Variants in NCEH1 observed in about 807,000 individuals in gnomAD.
NCEH1 encodes 2-acetyl MAGE hydrolase.
In NCEH1, 9 loss-of-function variants were observed where a neutral mutation model predicts 25.4. The observed-to-expected ratio is 0.35, with a 90% CI of 0.21 to 0.62. The LOEUF (loss-of-function observed/expected upper bound fraction) is 0.62. Among genes scored for constraint, NCEH1 ranks in the 20% least tolerant of loss-of-function variants. NCEH1 has a pLI of 0.72. For missense variants in NCEH1, 412 were observed against 501.1 expected, an observed-to-expected ratio of 0.82 and a Z score of 1.70; for synonymous variants, 200 against 199.8, an observed-to-expected ratio of 1.00 and a Z score of -0.01.
chr3:172,683,605 G>A (rs1022315620), intron 1 of NCEH1, among the ~76,000 whole-genome samples: 16 of 138,818 alleles, frequency 1.2e-4, no homozygotes, highest in African/African-American at 5.5e-4. Flanking sequence ...CTTGAGACTG[G>A]AGGTTGAAGT....
chr3:172,641,630 A>G (rs1348740381), intron 3 of NCEH1, among the ~76,000 whole-genome samples: 1 of 152,248 alleles, frequency 6.6e-6, no homozygotes, highest in East Asian at 1.9e-4. Context: ...GCGGAGCTCC[A>G]GAAGAACCAA....
At chr3:172,670,035 G>A (rs1165560928) in intron 1 of NCEH1, among the ~76,000 whole-genome samples, 4 of 152,312 alleles carry the variant, frequency 2.6e-5, no homozygotes, top group African/African-American at 9.6e-5. Flanking sequence ...ATTATAATTT[G>A]AAATTTTGTT....
chr3:172,656,189 C>T (rs766977951), intron 1 of NCEH1, among the ~76,000 whole-genome samples: 3 of 152,082 alleles, frequency 2.0e-5, no homozygotes, highest in East Asian at 1.9e-4. Context: ...AGGCAGATTA[C>T]GTTCACTGTT....
chr3:172,658,709 C>T (rs926601574), intron 1 of NCEH1, among the ~76,000 whole-genome samples: 2 of 152,134 alleles, frequency 1.3e-5, no homozygotes, highest in Non-Finnish European at 2.9e-5. Context: ...AAAGAGCTCA[C>T]AGACGGATTT....
chr3:172,662,597 G>T (rs145125950), intron 1 of NCEH1, among the ~76,000 whole-genome samples: 165 of 152,264 alleles, frequency 1.1e-3, no homozygotes, highest in Non-Finnish European at 1.6e-3. Flanking sequence ...TCTGGCCCTG[G>T]AATTTTTTTG....
At chr3:172,706,645 C>T (rs1411386722) in intron 1 of NCEH1, among the ~76,000 whole-genome samples, 2 of 151,820 alleles carry the variant, frequency 1.3e-5, no homozygotes, top group Non-Finnish European at 1.5e-5. Context: ...ATTACAGGCG[C>T]GCACCACTGC....
intron 1 of NCEH1, among the ~76,000 whole-genome samples, chr3:172,672,535 T>C (rs1051511587): frequency 6.6e-6 from 1 of 152,174 alleles, no homozygotes; most frequent in African/African-American, 2.4e-5. Context: ...ATCCCCTGAT[T>C]CAGTGGAGAG....
At chr3:172,703,915 T>C (rs1197822557) in intron 1 of NCEH1, among the ~76,000 whole-genome samples, 1 of 152,218 alleles carries the variant, frequency 6.6e-6, no homozygotes, top group African/African-American at 2.4e-5. Flanking sequence ...TAAAACCTTT[T>C]GCCTCCATAT....
At chr3:172,693,187 G>A (rs1713161229) in intron 1 of NCEH1, among the ~76,000 whole-genome samples, 1 of 152,232 alleles carries the variant, frequency 6.6e-6, no homozygotes, top group African/African-American at 2.4e-5. Flanking sequence ...ATTCTGGGTA[G>A]CCAATAAATG....
intron 1 of NCEH1, among the ~76,000 whole-genome samples, chr3:172,693,960 C>CA (rs1713218689): frequency 6.6e-6 from 1 of 152,152 alleles, no homozygotes; most frequent in South Asian, 2.1e-4. Context: ...GTGGCCCAAT[C>CA]ATAGTACACC....
intron 1 of NCEH1, among the ~76,000 whole-genome samples, chr3:172,675,918 T>C (rs187312009): frequency 3.9e-5 from 6 of 152,286 alleles, no homozygotes; most frequent in Admixed American, 2.0e-4. Flanking sequence ...TTTTAAACCT[T>C]CTTGTAAAAC....
chr3:172,662,094 T>C (rs1560190632), intron 1 of NCEH1, among the ~76,000 whole-genome samples: 2 of 152,220 alleles, frequency 1.3e-5, no homozygotes, highest in Admixed American at 1.3e-4. Flanking sequence ...AGTATGGTAT[T>C]GGCTGTGGGT....
At position 172,633,476 on chromosome 3, in the gene NCEH1, T is replaced by C. The variant is rs1044528201; in HGVS notation, c.1226A>G (p.Ter409=). ...SYIKWLDQNL[*] ...GAGGCTTCTGGAAGTTTTGCTCCTT[T>C]ACAGGTTTTGATCTAGCCACTTGAT... Residue 409 remains the stop codon, a stop_retained_variant, in exon 5 of 5, where the codon TAA becomes TGA. Transcript: ENST00000475381. 3.1e-6 allele frequency: 5 copies of C among 1,612,362 alleles called. No homozygotes were observed. Among genetic ancestry groups the C allele is most frequent in the Non-Finnish European group, 4.2e-6 (5 of 1,178,930 alleles).
intron 1 of NCEH1, among the ~76,000 whole-genome samples, chr3:172,701,206 A>T (rs1713655735): frequency 6.6e-6 from 1 of 152,148 alleles, no homozygotes; most frequent in South Asian, 2.1e-4. Flanking sequence ...CTGACACTTC[A>T]AAACAGGGTC....
intron 1 of NCEH1, among the ~76,000 whole-genome samples, chr3:172,660,109 TCTC>T (rs1214315852): frequency 1.3e-5 from 2 of 151,808 alleles, no homozygotes; most frequent in East Asian, 3.9e-4. Context: ...ATTAGGTGTT[TCTC>T]CTAATGCTAT....
chr3:172,679,960 G>A (rs538389418), intron 1 of NCEH1, among the ~76,000 whole-genome samples: 5 of 152,170 alleles, frequency 3.3e-5, no homozygotes, highest in South Asian at 2.1e-4. Flanking sequence ...TTTTAAGAAC[G>A]AATTCTTTTC....
intron 1 of NCEH1, chr3:172,680,698 C>T (rs1050574153): frequency 6.6e-6 from 1 of 152,066 alleles, no homozygotes; most frequent in African/African-American, 2.4e-5. Context: ...ACTCTACACC[C>T]TTGCACTTCT....
At chr3:172,635,628 G>A (rs1188430579) in intron 4 of NCEH1, among the ~76,000 whole-genome samples, 1 of 152,164 alleles carries the variant, frequency 6.6e-6, no homozygotes, top group Non-Finnish European at 1.5e-5. Context: ...GGGGATACTG[G>A]AGTTCCATAC....
At chr3:172,634,116 T>G (rs768464719) in intron 4 of NCEH1, 24 bp from the exon 5 acceptor site, 19 of 1,594,840 alleles carry the variant, frequency 1.2e-5, no homozygotes, top group Non-Finnish European at 1.5e-5. Flanking sequence ...AGCAAATACA[T>G]TATTTCATTT....
Sources: allele counts gnomAD v4.1 joint callset (sites outside exome capture counted in the v4.1 genomes callset), GRCh38; gene constraint gnomAD v4.1.1; transcripts MANE v1.5; gene names NCBI Gene and HGNC (gene_info 2026-07-23, HGNC 2026-07-21).